Variants in GNA14 observed in about 807,000 individuals in gnomAD.
GNA14 encodes guanine nucleotide-binding protein subunit alpha-14.
A neutral mutation model predicts 42.0 loss-of-function variants in GNA14; 50 were observed. That is an observed-to-expected ratio of 1.19 (90% CI 0.95 to 1.51). GNA14 has a LOEUF of 1.51. Ranked by LOEUF, GNA14 falls within the 40% of genes most tolerant of loss-of-function variation. GNA14 has a pLI of 0.00. For synonymous variants in GNA14, 173 were observed against 163.1 expected (o/e 1.06, Z -0.46); for missense variants, 473 against 446.2 (o/e 1.06, Z -0.54).
chr9:77,437,634 GA>G (rs951306546), intron 2 of GNA14, among the ~76,000 whole-genome samples: 8 of 151,476 alleles, frequency 5.3e-5, no homozygotes, highest in African/African-American at 1.9e-4. Context: ...AAGAAAGAAA[GA>G]AAAAAGGAAG....
rs145661693 is a variant in GNA14, at chr9:77,445,272, C to A, written c.310-10750G>T. Among the ~76,000 whole-genome samples the A allele has an allele frequency of 1.1e-3, 172 of 152,290 alleles. 1 individual carries two copies. Among genetic ancestry groups the A allele is most frequent in the Non-Finnish European group, 1.5e-3 (104 of 68,028 alleles). ...CTACATCGCATTTCACATAACAAGT[C>A]TTTCCCTAAGATGCTCTGGAAAGTG... On this transcript the variant is annotated intron_variant, in intron 2 of 6. Transcript: ENST00000341700.
chr9:77,565,933 A>C lies in GNA14; in HGVS notation c.125-36680T>G, dbSNP rs551158665. Among the ~76,000 whole-genome samples, 3 of 152,244 alleles carry C rather than the reference A, an allele frequency of 2.0e-5. No individual in the cohort carries two copies. In the South Asian group the frequency reaches 6.2e-4, roughly 32 times the overall value. Reference sequence around the variant, plus strand: ...ACACTACTATACATCAGTTGTTCTCAATGGGATGCTATCTGGCAAAGAAAC... The same window carrying C: ...ACACTACTATACATCAGTTGTTCTCCATGGGATGCTATCTGGCAAAGAAAC... On this transcript the variant is annotated intron_variant, in intron 1 of 6. Transcript: ENST00000341700.
chr9:77,453,220 T>A (rs1481698569), intron 2 of GNA14, among the ~76,000 whole-genome samples: 1 of 152,140 alleles, frequency 6.6e-6, no homozygotes, highest in Non-Finnish European at 1.5e-5. Flanking sequence ...ACCAAGAAGA[T>A]GCCATCTCTG....
At chr9:77,425,053 A>C (rs1587751556) in intron 6 of GNA14, among the ~76,000 whole-genome samples, 1 of 152,176 alleles carries the variant, frequency 6.6e-6, no homozygotes, top group East Asian at 1.9e-4. Context: ...ACACTCTAAC[A>C]TACACATAAG....
intron 2 of GNA14, among the ~76,000 whole-genome samples, chr9:77,476,515 T>G (rs1320163772): frequency 6.6e-6 from 1 of 152,088 alleles, no homozygotes; most frequent in South Asian, 2.1e-4. Context: ...ATAGAAACAT[T>G]TGCTGTATAA....
At chr9:77,457,207 G>A (rs1014202244) in intron 2 of GNA14, among the ~76,000 whole-genome samples, 5 of 152,224 alleles carry the variant, frequency 3.3e-5, no homozygotes, top group Admixed American at 6.5e-5. Flanking sequence ...AAGTGGGAGC[G>A]AGAGAGAAAG....
chr9:77,491,917 A>G (rs1836783268), intron 2 of GNA14, among the ~76,000 whole-genome samples: 1 of 152,224 alleles, frequency 6.6e-6, no homozygotes, highest in East Asian at 1.9e-4. Flanking sequence ...CTTAGGCTAT[A>G]AAACAACTCT....
chr9:77,532,456 A>G (rs997701174), intron 1 of GNA14, among the ~76,000 whole-genome samples: 1 of 152,184 alleles, frequency 6.6e-6, no homozygotes, highest in African/African-American at 2.4e-5. Flanking sequence ...TGATGGCATC[A>G]ATCTGTCTTA....
chr9:77,474,776 A>G (rs1441366592), intron 2 of GNA14, among the ~76,000 whole-genome samples: 1 of 152,190 alleles, frequency 6.6e-6, no homozygotes, highest in Non-Finnish European at 1.5e-5. Flanking sequence ...GATAAACAAA[A>G]CATGACTGTT....
At chr9:77,574,211 A>G (rs1311063590) in intron 1 of GNA14, among the ~76,000 whole-genome samples, 1 of 152,224 alleles carries the variant, frequency 6.6e-6, no homozygotes, top group African/African-American at 2.4e-5. Context: ...ACTGAATATA[A>G]GCAAGAGCAT....
intron 2 of GNA14, among the ~76,000 whole-genome samples, chr9:77,514,650 G>A (rs1461417906): frequency 3.0e-5 from 4 of 133,846 alleles, no homozygotes; most frequent in African/African-American, 1.1e-4. Context: ...GTCTCACTCT[G>A]TCCCCCAGGC....
At chr9:77,531,178 C>T (rs916909145) in intron 1 of GNA14, among the ~76,000 whole-genome samples, 28 of 152,118 alleles carry the variant, frequency 1.8e-4, no homozygotes, top group Non-Finnish European at 2.6e-4. Context: ...TTGGGCACCA[C>T]GAACAATGTG....
chr9:77,624,723 T>G (rs985926783), intron 1 of GNA14, among the ~76,000 whole-genome samples: 1 of 151,926 alleles, frequency 6.6e-6, no homozygotes, highest in Non-Finnish European at 1.5e-5. Context: ...AGGAATAGCA[T>G]GTCCACTCAG....
intron 2 of GNA14, among the ~76,000 whole-genome samples, chr9:77,461,148 C>T (rs1445732549): frequency 6.6e-6 from 1 of 152,154 alleles, no homozygotes; most frequent in African/African-American, 2.4e-5. Context: ...CTCACCAGGC[C>T]CCCGCGGAGG....
chr9:77,529,845 T>A (rs1837502163), intron 1 of GNA14, among the ~76,000 whole-genome samples: 1 of 152,144 alleles, frequency 6.6e-6, no homozygotes, highest in African/African-American at 2.4e-5. Context: ...TGTTCTTAAA[T>A]GTGCATTAGA....
chr9:77,566,301 T>C (rs573682299), intron 1 of GNA14, among the ~76,000 whole-genome samples: 3 of 151,974 alleles, frequency 2.0e-5, no homozygotes, highest in African/African-American at 7.2e-5. Context: ...ATTACAGGCG[T>C]GTGCCACCAT....
chr9:77,515,647 C>A (rs1837242177), intron 2 of GNA14, among the ~76,000 whole-genome samples: 1 of 152,054 alleles, frequency 6.6e-6, no homozygotes, highest in Admixed American at 6.6e-5. Flanking sequence ...GACAGGAATA[C>A]AGCATTGCTC....
intron 2 of GNA14, among the ~76,000 whole-genome samples, chr9:77,452,487 A>G (rs1362047245): frequency 6.6e-6 from 1 of 151,352 alleles, no homozygotes; most frequent in Admixed American, 6.6e-5. Flanking sequence ...TGATCAAATT[A>G]GTTTAGGACA....
intron 1 of GNA14, among the ~76,000 whole-genome samples, chr9:77,532,813 C>G (rs952540670): frequency 7.2e-5 from 11 of 152,094 alleles, no homozygotes; most frequent in African/African-American, 2.4e-4. Flanking sequence ...GGTGGAGGGT[C>G]CTCTGCAGCC....
Sources: gnomAD v4.1 joint callset for allele counts (sites outside exome capture counted in the v4.1 genomes callset) on GRCh38, gnomAD v4.1.1 for gene constraint, MANE v1.5 for transcripts, NCBI Gene and HGNC (gene_info 2026-07-23, HGNC 2026-07-21) for gene names.